The following SLC20A2 variants were observed in gnomAD, a reference collection of about 807,000 sequenced individuals.
SLC20A2 encodes the protein solute carrier family 20 member 2, also known as sodium-dependent phosphate transporter 2.
In SLC20A2, 30 loss-of-function variants were observed where a neutral mutation model predicts 61.0. The observed-to-expected ratio is 0.49, with a 90% CI of 0.37 to 0.67. The LOEUF (loss-of-function observed/expected upper bound fraction) is 0.67, where lower values mean the gene tolerates loss of function less well. Ranked by LOEUF, SLC20A2 falls within the 30% of genes least tolerant of loss-of-function variation. SLC20A2 has a pLI of 0.00. For synonymous variants in SLC20A2, 351 were observed against 353.3 expected (o/e 0.99, Z 0.07); for missense variants, 626 against 866.4 (o/e 0.72, Z 3.48).
intron 5 of SLC20A2, among the ~76,000 whole-genome samples, chr8:42,451,114 G>T (rs1805599817): frequency 6.6e-6 from 1 of 152,084 alleles, no homozygotes; most frequent in South Asian, 2.1e-4. Flanking sequence ...CTAGAAACTG[G>T]ATCAGAAGCA....
chr8:42,536,046 G>C (rs1812674821), intron 1 of SLC20A2, among the ~76,000 whole-genome samples: 1 of 152,150 alleles, frequency 6.6e-6, no homozygotes, highest in Non-Finnish European at 1.5e-5. Flanking sequence ...CCCATTCAGG[G>C]AAGAGTCTGA....
chr8:42,511,800 T>C (rs1811049069), intron 1 of SLC20A2, among the ~76,000 whole-genome samples: 1 of 152,106 alleles, frequency 6.6e-6, no homozygotes, highest in Non-Finnish European at 1.5e-5. Flanking sequence ...AGGTACTAAG[T>C]ATTTCATTTA....
chr8:42,438,061 AC>A lies in SLC20A2; in HGVS notation c.935-485del, dbSNP rs768235632. Among the ~76,000 whole-genome samples the A allele has an allele frequency of 1.7e-3, 179 of 107,722 alleles. 12 individuals are homozygous for A. Among genetic ancestry groups the A allele is most frequent in the East Asian group, 3.2e-3 (12 of 3,790 alleles). 70.7% of individuals were successfully genotyped at this position (107,722 alleles called of 152,430 possible). ...AATATGGTTACCACTAAAAAAAAAA[AC>A]CAAAAAAAAAAAAAAAAAAAAAAAA... On this transcript the variant is annotated intron_variant, in intron 7 of 10. Coordinates refer to ENST00000520262, the MANE Select transcript of SLC20A2 (RefSeq NM_001257180.2).
intron 1 of SLC20A2, among the ~76,000 whole-genome samples, chr8:42,511,975 C>G (rs1284018199): frequency 6.6e-6 from 1 of 152,240 alleles, no homozygotes; most frequent in East Asian, 1.9e-4. Context: ...AGAGACCATT[C>G]TGAGAAATAC....
chr8:42,539,006 C>G (rs909094218), intron 1 of SLC20A2, among the ~76,000 whole-genome samples: 1 of 152,132 alleles, frequency 6.6e-6, no homozygotes, highest in Non-Finnish European at 1.5e-5. Flanking sequence ...ACAGTGAAAC[C>G]CCATCTCCAG....
chr8:42,539,327 A>C (rs1479115522), intron 1 of SLC20A2, among the ~76,000 whole-genome samples: 1 of 152,230 alleles, frequency 6.6e-6, no homozygotes, highest in African/African-American at 2.4e-5. Flanking sequence ...CTCATCTCGG[A>C]ATCACTGTTA....
chr8:42,541,471 G>GGGCCGCCGCTGC (rs1335429401), intron 1 of SLC20A2: 2 of 147,250 alleles, frequency 1.4e-5, no homozygotes, highest in East Asian at 3.9e-4. Context: ...GGCGGCACTG[G>GGGCCGCCGCTGC]GGCCGCCGCT....
At chr8:42,459,702 T>C (rs1269913048) in intron 5 of SLC20A2, among the ~76,000 whole-genome samples, 194 bp downstream of exon 5, 1 of 152,238 alleles carries the variant, frequency 6.6e-6, no homozygotes, top group African/African-American at 2.4e-5. Flanking sequence ...TAAATGCATT[T>C]ACCACTCTTT....
intron 6 of SLC20A2, 111 bp from the exon 7 acceptor site, chr8:42,439,764 C>CA (rs897270121): frequency 3.3e-3 from 2,365 of 716,462 alleles, no homozygotes; most frequent in Non-Finnish European, 3.9e-3. Context: ...ATTTTGGAAA[C>CA]AAAAAAAAAA....
At chr8:42,505,158 G>A (rs1047247154), upstream of SLC20A2, among the ~76,000 whole-genome samples, 1 of 151,258 alleles carries the variant, frequency 6.6e-6, no homozygotes, top group Non-Finnish European at 1.5e-5. Context: ...GCCCAGCCTG[G>A]AGTGCAGTGA....
rs1022298834 is a variant in SLC20A2 at position 42,416,740 on chromosome 8, C to T, written c.*1063G>A. ...TCCAGGATTCTCCCTCCCTCTCATC[C>T]CTGAAGTGCTAGAATGTCAAAGCAC... is the stretch of plus-strand genomic sequence containing the variant. On this transcript the variant is annotated 3_prime_UTR_variant, in exon 11 of 11. Coordinates refer to ENST00000520262, the MANE Select transcript of SLC20A2 (RefSeq NM_001257180.2). 6.6e-6 allele frequency: 1 copy of T among 152,624 alleles called. No individual in the cohort carries two copies. The highest frequency in any genetic ancestry group is 1.5e-5 in the Non-Finnish European group (1 of 68,060). 9.5% of individuals were successfully genotyped at this position (152,624 alleles called of 1,614,324 possible). A position where few individuals can be genotyped will look rare whatever the true frequency, so the allele number is the denominator to read the frequency against.
intron 1 of SLC20A2, among the ~76,000 whole-genome samples, chr8:42,525,292 T>C (rs769983341): frequency 5.3e-5 from 8 of 151,990 alleles, no homozygotes; most frequent in Non-Finnish European, 8.8e-5. Context: ...TCACATGAAA[T>C]GTAAAATGGC....
At chr8:42,521,155 A>G (rs1310438723) in intron 1 of SLC20A2, among the ~76,000 whole-genome samples, 2 of 121,838 alleles carry the variant, frequency 1.6e-5, no homozygotes, top group African/African-American at 5.1e-5. Flanking sequence ...AAACCCGTAC[A>G]CAAATGTTCA....
At chr8:42,425,764 T>A (rs1215330714) in intron 10 of SLC20A2, among the ~76,000 whole-genome samples, 1 of 152,158 alleles carries the variant, frequency 6.6e-6, no homozygotes. Context: ...CAAAACTGGC[T>A]GGGCACGGTG....
At chr8:42,471,990 C>T in intron 2 of SLC20A2, 112 bp downstream of exon 2, 1 of 897,400 alleles carries the variant, frequency 1.1e-6, no homozygotes, top group Non-Finnish European at 1.7e-6. Flanking sequence ...AAACATCCAA[C>T]CAGTTTTTGA....
intron 3 of SLC20A2, chr8:42,463,335 C>A (rs893206773): frequency 3.2e-6 from 1 of 315,898 alleles, no homozygotes. Context: ...AATGCAGGGT[C>A]AAGAAACCCC....
intron 1 of SLC20A2, among the ~76,000 whole-genome samples, chr8:42,480,210 T>C (rs1808455170): frequency 6.6e-6 from 1 of 152,312 alleles, no homozygotes; most frequent in Admixed American, 6.5e-5. Context: ...ACATTAGCCA[T>C]ATGACCTCCG....
At chr8:42,422,252 C>T (rs564497055) in intron 10 of SLC20A2, among the ~76,000 whole-genome samples, 273 of 152,196 alleles carry the variant, frequency 1.8e-3, no homozygotes, top group African/African-American at 6.3e-3. Flanking sequence ...GGGGTTTTGC[C>T]ATGTTGGCCA....
intron 1 of SLC20A2, chr8:42,537,979 AT>A (rs1201200451): frequency 1.3e-5 from 2 of 152,130 alleles, no homozygotes; most frequent in African/African-American, 4.8e-5. Flanking sequence ...CTGTGTCTCC[AT>A]TTCTTCCTCT....
Sources: allele counts gnomAD v4.1 joint callset (sites outside exome capture counted in the v4.1 genomes callset), GRCh38; gene constraint gnomAD v4.1.1; transcripts MANE v1.5; gene names NCBI Gene and HGNC (gene_info 2026-07-23, HGNC 2026-07-21).